KLB: variants seen among roughly 807,000 people sequenced by gnomAD.
KLB encodes klotho beta.
Under a neutral mutation model 88.4 loss-of-function variants are expected in KLB, and 44 were observed. That is an observed-to-expected ratio of 0.50 (90% CI 0.39 to 0.64). The LOEUF (loss-of-function observed/expected upper bound fraction) is 0.64. Ranked by LOEUF, KLB falls within the 30% of genes least tolerant of loss-of-function variation. The probability of loss-of-function intolerance (pLI) is 0.00; values close to 1 mark genes in which losing one functional copy is unlikely to be tolerated. For missense variants in KLB, 1,137 were observed against 1,304.8 expected, an observed-to-expected ratio of 0.87 and a Z score of 1.98; for synonymous variants, 548 against 513.4, an observed-to-expected ratio of 1.07 and a Z score of -0.91.
chr4:39,447,594 T>C, intron 4 of KLB, 119 bp downstream of exon 4: 1 of 815,750 alleles, frequency 1.2e-6, no homozygotes, highest in Non-Finnish European at 1.8e-6. Context: ...ACCCAAGTCC[T>C]GTCAATTGAA....
chr4:39,445,112 G>A (rs1287352430), intron 3 of KLB, among the ~76,000 whole-genome samples: 1 of 152,176 alleles, frequency 6.6e-6, no homozygotes, highest in Non-Finnish European at 1.5e-5. Flanking sequence ...GGCAATTATT[G>A]CCACTAGGGA....
rs2109843545 is a variant in KLB, at chr4:39,443,798, G to A, written c.1606-2534G>A. Among the ~76,000 whole-genome samples the A allele has an allele frequency of 2.0e-5, 3 of 149,524 alleles. No homozygotes were observed. In the Middle Eastern group the frequency reaches 0.011, roughly 526 times the overall value. ...AAAAAGAAAAAAGAAGAAATCTGAT[G>A]TTGATACTTGGGACTCTATGAATAT... On this transcript the variant is annotated intron_variant, in intron 3 of 4. Transcript: ENST00000257408.
At chr4:39,423,656 A>G (rs1198792096) in intron 1 of KLB, among the ~76,000 whole-genome samples, 1 of 151,760 alleles carries the variant, frequency 6.6e-6, no homozygotes, top group Non-Finnish European at 1.5e-5. Flanking sequence ...CAAGTAACCA[A>G]CAAACTAGCT....
chr4:39,431,733 T>G (rs1743366806), intron 1 of KLB, among the ~76,000 whole-genome samples: 1 of 152,210 alleles, frequency 6.6e-6, no homozygotes, highest in Non-Finnish European at 1.5e-5. Flanking sequence ...ATGGCACGTT[T>G]CAGAATCCTC....
At chr4:39,443,802 A>T (rs1403825077) in intron 3 of KLB, among the ~76,000 whole-genome samples, 1 of 150,970 alleles carries the variant, frequency 6.6e-6, no homozygotes, top group Non-Finnish European at 1.5e-5. Context: ...TCTGATGTTG[A>T]TACTTGGGAC....
intron 1 of KLB, among the ~76,000 whole-genome samples, chr4:39,423,784 G>A (rs1743137865): frequency 6.6e-6 from 1 of 151,738 alleles, no homozygotes; most frequent in Non-Finnish European, 1.5e-5. Flanking sequence ...GAAGCTAATA[G>A]ACCTGGTGTG....
rs1183652315 is a variant in KLB, at chr4:39,418,955, AAAAAAAG to A, written c.825+11192_825+11198del. ...AAAGATGCCATCTCTAAAAAAAAAA[AAAAAAAG>A]AAAAAAGAAATACTGACCAAATACA... On this transcript the variant is annotated intron_variant, in intron 1 of 4. Coordinates refer to ENST00000257408, the MANE Select transcript of KLB (RefSeq NM_175737.4). Among the ~76,000 whole-genome samples the A allele has an allele frequency of 3.2e-3, 490 of 151,858 alleles. 3 individuals carry two copies. Among genetic ancestry groups the A allele is most frequent in the African/African-American group, 0.012 (478 of 41,444 alleles).
chr4:39,434,815 T>TC, intron 2 of KLB, 95 bp downstream of exon 2: 1 of 1,000,714 alleles, frequency 1.0e-6, no homozygotes, highest in East Asian at 2.6e-5. Context: ...TGTTGGGCTT[T>TC]TTTTTTTTTG....
At chr4:39,416,486 C>T (rs1471969889) in intron 1 of KLB, among the ~76,000 whole-genome samples, 1 of 152,080 alleles carries the variant, frequency 6.6e-6, no homozygotes, top group African/African-American at 2.4e-5. Context: ...AGTATTTAAA[C>T]TGCAAAAACA....
chr4:39,451,218 TA>T lies in KLB; in HGVS notation c.*2534del, dbSNP rs1470678203. The T allele has an allele frequency of 1.3e-5, 2 of 152,232 alleles. No homozygotes were observed. Among genetic ancestry groups the T allele is most frequent in the African/African-American group, 4.8e-5 (2 of 41,460 alleles). 9.4% of individuals were successfully genotyped at this position (152,232 alleles called of 1,614,324 possible). On this transcript the variant is annotated 3_prime_UTR_variant, in exon 5 of 5. Transcript: ENST00000257408. ...TGTACAGCAAATTAGGTTAAGCATT[TA>T]ATCTGGCTCATGCTCTATCATACTA...
chr4:39,436,884 A>G (rs2608820), intron 2 of KLB, among the ~76,000 whole-genome samples: 94,464 of 151,688 alleles, frequency 0.62, 32,037 homozygotes, highest in East Asian at 0.81. Context: ...TAATTTTTGT[A>G]TTTTTAGTAG....
At chr4:39,411,543 A>G (rs1578200120) in intron 1 of KLB, among the ~76,000 whole-genome samples, 1 of 140,476 alleles carries the variant, frequency 7.1e-6, no homozygotes, top group African/African-American at 2.7e-5. Context: ...TTTTTAAGAC[A>G]GAGTCTCACT....
In KLB at chr4:39,434,313, C is replaced by G; in HGVS notation, c.929C>G (p.Ser310Trp). Residue 310 changes from serine (S) to tryptophan (W), a missense_variant, in exon 2 of 5, where the codon TCG (serine) becomes TGG (tryptophan). Ser to Trp is a radical substitution (Grantham distance 177). Around this residue, in one of 4 missense-constraint regions of KLB, gnomAD observed 597 missense variants for 765.2 expected, o/e 0.78. Coordinates refer to ENST00000257408, the MANE Select transcript of KLB (RefSeq NM_175737.4). ...LGSHWIEPNR[S>W]ENTMDIFKCQ... ...TCTCATTGGATCGAGCCAAACCGGTCGGAAAACACGATGGATATATTCAAA... is the reference window on the plus strand; with the variant it reads ...TCTCATTGGATCGAGCCAAACCGGTGGGAAAACACGATGGATATATTCAAA... 1 of 1,614,116 alleles carries G rather than the reference C, an allele frequency of 6.2e-7. No individual in the cohort carries two copies. Among genetic ancestry groups the G allele is most frequent in the Non-Finnish European group, 8.5e-7 (1 of 1,180,030 alleles).
At chr4:39,431,743 C>T (rs1743366987) in intron 1 of KLB, among the ~76,000 whole-genome samples, 1 of 152,220 alleles carries the variant, frequency 6.6e-6, no homozygotes, top group Admixed American at 6.5e-5. Flanking sequence ...TCAGAATCCT[C>T]ACCCCTTACC....
At chr4:39,438,825 T>C (rs996641110) in intron 3 of KLB, among the ~76,000 whole-genome samples, 2 of 152,054 alleles carry the variant, frequency 1.3e-5, no homozygotes, top group Non-Finnish European at 2.9e-5. Context: ...AATCACCTTT[T>C]AGAGCCAGGT....
At position 39,445,690 on chromosome 4, in the gene KLB, T is replaced by G. The variant is rs553744748; in HGVS notation, c.1606-642T>G. 1.2e-4 allele frequency among the ~76,000 whole-genome samples: 18 copies of G among 150,032 alleles called. No homozygotes were observed. The South Asian group carries it at 1.9e-3, about 16-fold the overall frequency. On this transcript the variant is annotated intron_variant, in intron 3 of 4. Transcript: ENST00000257408. ...TGGCTAATCTTGTTTTTTTGTTTTT[T>G]TTTTTTTTTTTAGTAGAGACGGTGT...
chr4:39,437,593 T>C (rs1341893403), intron 2 of KLB, 134 bp from the exon 3 acceptor site: 4 of 1,014,068 alleles, frequency 3.9e-6, no homozygotes, highest in Admixed American at 2.4e-5. Context: ...ATTTTCTATT[T>C]GATACAGCAG....
chr4:39,423,823 T>C (rs2109827496), intron 1 of KLB, among the ~76,000 whole-genome samples: 1 of 151,808 alleles, frequency 6.6e-6, no homozygotes, highest in East Asian at 1.9e-4. Flanking sequence ...CTGAGACTTT[T>C]ACAATAGTGG....
At position 39,434,608 on chromosome 4, in the gene KLB, C is replaced by T. The variant is rs750531504; in HGVS notation, c.1224C>T (p.Asn408=). The T allele has an allele frequency of 2.7e-5, 44 of 1,614,010 alleles. No homozygotes were observed. The highest frequency in any genetic ancestry group is 3.6e-5 in the Non-Finnish European group (42 of 1,180,004). The change falls in exon 2 of 5, where the codon AAC becomes AAT. Residue 408 remains asparagine, a synonymous_variant. Transcript: ENST00000257408. ...EALNWIKLEY[N]NPRILIAENG... is the part of the protein sequence containing the mutation. ...TGAACTGGATTAAACTGGAATACAA[C>T]AACCCTCGAATCTTGATTGCTGAGA...
Sources: allele counts gnomAD v4.1 joint callset (sites outside exome capture counted in the v4.1 genomes callset), GRCh38; gene constraint gnomAD v4.1.1; regional missense constraint gnomAD v4.1.1; transcripts MANE v1.5; gene names NCBI Gene and HGNC (gene_info 2026-07-23, HGNC 2026-07-21).